Variants in ZNF804B observed in about 807,000 individuals in gnomAD.
ZNF804B encodes zinc finger protein 804B.
In ZNF804B, 80 loss-of-function variants were observed where a neutral mutation model predicts 101.4. The observed-to-expected ratio is 0.79, with a 90% CI of 0.66 to 0.95. ZNF804B has a LOEUF of 0.95. ZNF804B is among the 40% of genes least tolerant of loss of function. The probability of loss-of-function intolerance (pLI) is 0.00; values close to 1 mark genes in which losing one functional copy is unlikely to be tolerated. For missense variants in ZNF804B, 1,673 were observed against 1,561.9 expected, an observed-to-expected ratio of 1.07 and a Z score of -1.20; for synonymous variants, 622 against 558.8, an observed-to-expected ratio of 1.11 and a Z score of -1.59.
chr7:88,854,513 TTTCCTTTCCTTCCTTTCCTTCC>T (rs1791516765), intron 1 of ZNF804B, among the ~76,000 whole-genome samples: 4 of 72,276 alleles, frequency 5.5e-5, no homozygotes, highest in African/African-American at 2.8e-4. Flanking sequence ...TTTCCTTTCC[TTTCCTTTCCTTCCTTTCCTTCC>T]TTCCTTCCTT....
At chr7:89,180,780 G>T (rs1461998046) in intron 1 of ZNF804B, among the ~76,000 whole-genome samples, 2 of 150,656 alleles carry the variant, frequency 1.3e-5, no homozygotes, top group African/African-American at 4.9e-5. Context: ...CCTGGCTGGT[G>T]TCTCACTAGG....
Position 89,251,549 on chromosome 7 carries a change from T to G in ZNF804B, c.249+33254T>G, listed in dbSNP as rs149528517. ...AAGCAATGTACAGATTCAATGCTATTTCTATCAAGCTACCAATGTTATTTT... is the reference window on the plus strand; with the variant it reads ...AAGCAATGTACAGATTCAATGCTATGTCTATCAAGCTACCAATGTTATTTT... On this transcript the variant is annotated intron_variant, in intron 2 of 3. Transcript: ENST00000333190. 3.8e-3 allele frequency among the ~76,000 whole-genome samples: 576 copies of G among 152,272 alleles called. 3 individuals carry two copies. Among genetic ancestry groups the G allele is most frequent in the African/African-American group, 0.013 (553 of 41,564 alleles).
At chr7:89,236,356 A>T (rs1011066217) in intron 2 of ZNF804B, among the ~76,000 whole-genome samples, 12 of 152,282 alleles carry the variant, frequency 7.9e-5, no homozygotes, top group Admixed American at 2.0e-4. Context: ...ATAAGTATAC[A>T]TGTAAATCTA....
chr7:88,977,938 C>T (rs183392659), intron 1 of ZNF804B, among the ~76,000 whole-genome samples: 19 of 151,412 alleles, frequency 1.3e-4, no homozygotes, highest in South Asian at 4.2e-4. Context: ...TTTTGATTTT[C>T]GTTTGTTTCA....
intron 1 of ZNF804B, among the ~76,000 whole-genome samples, chr7:89,018,920 A>G (rs1788615200): frequency 6.6e-6 from 1 of 151,904 alleles, no homozygotes; most frequent in Non-Finnish European, 1.5e-5. Context: ...GAATTTGTTT[A>G]TCTTTCAAAA....
chr7:89,249,117 C>T (rs1789500989), intron 2 of ZNF804B, among the ~76,000 whole-genome samples: 1 of 151,146 alleles, frequency 6.6e-6, no homozygotes. Context: ...AATATATACT[C>T]ACCTAACATT....
Position 89,220,361 on chromosome 7 carries a change from A to G in ZNF804B, c.249+2066A>G, listed in dbSNP as rs78404508. Among the ~76,000 whole-genome samples, 389 of 151,748 alleles carry G rather than the reference A, an allele frequency of 2.6e-3. 3 individuals are homozygous for G. Among genetic ancestry groups the G allele is most frequent in the African/African-American group, 9.1e-3 (376 of 41,466 alleles). On this transcript the variant is annotated intron_variant, in intron 2 of 3. Transcript: ENST00000333190. ...ATAACAATGACCTCAGAATATGTTA[A>G]TTGTTCAGATTCACAGAATCTTCCT...
intron 1 of ZNF804B, among the ~76,000 whole-genome samples, chr7:88,940,035 CTTAAA>C (rs72151667): frequency 0.016 from 2,419 of 151,980 alleles, 78 homozygotes; most frequent in African/African-American, 0.055. Flanking sequence ...ATTAAAAAAT[CTTAAA>C]TTAATTCATG....
At chr7:89,101,661 T>G (rs1790057146) in intron 1 of ZNF804B, among the ~76,000 whole-genome samples, 1 of 151,948 alleles carries the variant, frequency 6.6e-6, no homozygotes, top group South Asian at 2.1e-4. Flanking sequence ...AAAACTACCT[T>G]TCTTTTCACA....
intron 1 of ZNF804B, among the ~76,000 whole-genome samples, chr7:88,974,924 A>G (rs1793593730): frequency 6.6e-6 from 1 of 150,546 alleles, no homozygotes; most frequent in Admixed American, 6.6e-5. Context: ...AACCATTTCC[A>G]CCCCCTGACT....
At chr7:89,035,175 A>G (rs1788906216) in intron 1 of ZNF804B, among the ~76,000 whole-genome samples, 1 of 152,128 alleles carries the variant, frequency 6.6e-6, no homozygotes. Flanking sequence ...TTTTTATTAG[A>G]CAATATTTTG....
intron 1 of ZNF804B, among the ~76,000 whole-genome samples, chr7:88,771,082 C>T (rs1790054280): frequency 6.6e-6 from 1 of 152,104 alleles, no homozygotes; most frequent in African/African-American, 2.4e-5. Context: ...ATATTGCCTA[C>T]TTTACCCAGA....
At chr7:88,783,742 A>G (rs181470997) in intron 1 of ZNF804B, among the ~76,000 whole-genome samples, 1 of 152,250 alleles carries the variant, frequency 6.6e-6, no homozygotes, top group Non-Finnish European at 1.5e-5. Context: ...AAAACATGAT[A>G]CGTTAGTTTA....
intron 1 of ZNF804B, among the ~76,000 whole-genome samples, chr7:89,043,769 C>CT (rs1428232984): frequency 6.6e-6 from 1 of 152,162 alleles, no homozygotes; most frequent in Non-Finnish European, 1.5e-5. Context: ...AAGGTCTTCA[C>CT]TGAACACAAG....
chr7:89,299,393 A>AT (rs1270904941), intron 2 of ZNF804B, among the ~76,000 whole-genome samples: 1 of 151,808 alleles, frequency 6.6e-6, no homozygotes, highest in Non-Finnish European at 1.5e-5. Flanking sequence ...AAAAGTTCTT[A>AT]TTTTTTATTT....
intron 1 of ZNF804B, among the ~76,000 whole-genome samples, chr7:89,171,463 C>G (rs753909973): frequency 6.6e-6 from 1 of 151,484 alleles, no homozygotes; most frequent in Non-Finnish European, 1.5e-5. Flanking sequence ...TCGACAGAGT[C>G]TTCCTCTGTC....
chr7:88,877,767 A>G (rs1360788220), intron 1 of ZNF804B, among the ~76,000 whole-genome samples: 1 of 152,156 alleles, frequency 6.6e-6, no homozygotes, highest in Admixed American at 6.6e-5. Context: ...TGTTATTGCT[A>G]TTATTATTTT....
chr7:89,310,250 C>T (rs540894991), intron 2 of ZNF804B, among the ~76,000 whole-genome samples: 1 of 152,226 alleles, frequency 6.6e-6, no homozygotes, highest in African/African-American at 2.4e-5. Context: ...GAGCTGTGGA[C>T]TCCCTTGAGG....
intron 1 of ZNF804B, among the ~76,000 whole-genome samples, chr7:88,856,081 G>A (rs992225888): frequency 2.1e-4 from 32 of 152,122 alleles, no homozygotes; most frequent in African/African-American, 6.8e-4. Flanking sequence ...TTGACTTGGC[G>A]ATGCGGGCTC....
Sources: gnomAD v4.1 joint callset for allele counts (sites outside exome capture counted in the v4.1 genomes callset) on GRCh38, gnomAD v4.1.1 for gene constraint, MANE v1.5 for transcripts, NCBI Gene and HGNC (gene_info 2026-07-23, HGNC 2026-07-21) for gene names.